The following RNF150 variants were observed in gnomAD, a reference collection of about 807,000 sequenced individuals.
The protein encoded by RNF150 is ring finger protein 150.
Under a neutral mutation model 39.3 loss-of-function variants are expected in RNF150, and 24 were observed. The ratio of observed to expected loss-of-function variants is 0.61; its 90% CI spans 0.44 to 0.86. The LOEUF is 0.86. RNF150 is among the 40% of genes least tolerant of loss of function. The probability of loss-of-function intolerance (pLI) is 0.00; values close to 1 mark genes in which losing one functional copy is unlikely to be tolerated. For missense variants in RNF150, 502 were observed against 587.8 expected (o/e 0.85, Z 1.51); for synonymous variants, 255 against 227.3 (o/e 1.12, Z -1.10).
chr4:141,155,252 A>AT (rs70946798), intron 1 of RNF150, among the ~76,000 whole-genome samples: 10,402 of 126,330 alleles, frequency 0.082, 590 homozygotes, highest in African/African-American at 0.12. Flanking sequence ...CACCCGGCTG[A>AT]TTTTTTTTTT....
chr4:141,126,095 T>TACACTC (rs1726746037), intron 1 of RNF150, among the ~76,000 whole-genome samples: 1 of 150,098 alleles, frequency 6.7e-6, no homozygotes, highest in South Asian at 2.1e-4. Context: ...AATAAATACA[T>TACACTC]ACACACACAC....
intron 1 of RNF150, among the ~76,000 whole-genome samples, chr4:141,095,799 G>A (rs1344225937): frequency 6.6e-6 from 1 of 152,154 alleles, no homozygotes; most frequent in Non-Finnish European, 1.5e-5. Context: ...CTGGGAAGGG[G>A]AGAAAAATAT....
chr4:141,100,784 C>T (rs1211257291), intron 1 of RNF150, among the ~76,000 whole-genome samples: 1 of 152,188 alleles, frequency 6.6e-6, no homozygotes, highest in African/African-American at 2.4e-5. Flanking sequence ...GCCTATCACA[C>T]ATCTAGACTA....
chr4:141,192,236 ATAATCT>A (rs1182752814), intron 1 of RNF150, among the ~76,000 whole-genome samples: 3 of 152,304 alleles, frequency 2.0e-5, no homozygotes, highest in Middle Eastern at 6.8e-3. Context: ...TCCTAAGGTA[ATAATCT>A]TAATATCTTC....
At chr4:141,072,843 T>A (rs1737756834) in intron 1 of RNF150, among the ~76,000 whole-genome samples, 1 of 152,094 alleles carries the variant, frequency 6.6e-6, no homozygotes, top group African/African-American at 2.4e-5. Context: ...CCTCCCAGAA[T>A]CAAAGTCTCA....
intron 4 of RNF150, among the ~76,000 whole-genome samples, 186 bp downstream of exon 4, chr4:140,947,468 T>C (rs1422039193): frequency 6.6e-6 from 1 of 152,162 alleles, no homozygotes; most frequent in African/African-American, 2.4e-5. Context: ...TATTTCATGA[T>C]ACAGTGTTTT....
chr4:141,099,677 AGATG>A (rs1560738322), intron 1 of RNF150, among the ~76,000 whole-genome samples: 1 of 152,146 alleles, frequency 6.6e-6, no homozygotes, highest in East Asian at 1.9e-4. Flanking sequence ...TCAGGGGAGT[AGATG>A]GATAAATGAG....
intron 6 of RNF150, among the ~76,000 whole-genome samples, chr4:140,893,082 G>C (rs1276415701): frequency 1.3e-5 from 2 of 151,850 alleles, no homozygotes; most frequent in East Asian, 3.9e-4. Context: ...GAAAAAAAAA[G>C]GTCTGAGGGT....
chr4:141,150,969 C>A (rs574263900), intron 1 of RNF150, among the ~76,000 whole-genome samples: 2 of 151,884 alleles, frequency 1.3e-5, no homozygotes, highest in Non-Finnish European at 2.9e-5. Flanking sequence ...GCTTTGTCAC[C>A]CAGGGAGGCT....
intron 1 of RNF150, among the ~76,000 whole-genome samples, chr4:141,082,279 T>C (rs1276534398): frequency 6.6e-6 from 1 of 152,236 alleles, no homozygotes; most frequent in African/African-American, 2.4e-5. Flanking sequence ...AGGGATTAAA[T>C]AGTGATTCCT....
intron 5 of RNF150, among the ~76,000 whole-genome samples, chr4:140,919,689 T>G (rs1007368139): frequency 6.6e-6 from 1 of 151,194 alleles, no homozygotes; most frequent in Admixed American, 6.6e-5. Context: ...AAAACTACCT[T>G]AAAGTTCATA....
rs76302996 is a variant in RNF150, at chr4:141,129,674, C to T, written c.484+2651G>A. 7.4e-3 allele frequency among the ~76,000 whole-genome samples: 1,129 copies of T among 152,308 alleles called. 13 individuals carry two copies. Among genetic ancestry groups the T allele is most frequent in the African/African-American group, 0.025 (1,034 of 41,562 alleles). The stretch of plus-strand genomic sequence containing the variant: ...AGTGACTTGTTATAAAGCAAAACTA[C>T]TGGTCTATCCCAGGAGAAGTGGTGT... On this transcript the variant is annotated intron_variant, in intron 1 of 6. Coordinates refer to ENST00000515673, the MANE Select transcript of RNF150 (RefSeq NM_020724.2).
rs561940968 is a variant in RNF150, at chr4:141,041,344, T to C, written c.485-73471A>G. On this transcript the variant is annotated intron_variant, in intron 1 of 6. Transcript: ENST00000515673. ...CACAGAGCTCTGAGGTCATAAAGGG[T>C]AGAATGACCAACTGGGGGTCAGAAG... 2.6e-5 allele frequency among the ~76,000 whole-genome samples: 4 copies of C among 151,870 alleles called. No homozygotes were observed. The East Asian group carries it at 7.8e-4, about 29-fold the overall frequency.
intron 1 of RNF150, among the ~76,000 whole-genome samples, chr4:141,085,153 A>G (rs1476788156): frequency 1.3e-5 from 2 of 152,214 alleles, no homozygotes; most frequent in Non-Finnish European, 2.9e-5. Flanking sequence ...AAGGTGAAGG[A>G]GGAGCAAAGG....
chr4:141,162,509 T>C (rs1727532712), intron 1 of RNF150, among the ~76,000 whole-genome samples: 2 of 152,072 alleles, frequency 1.3e-5, no homozygotes. Flanking sequence ...GTGGGGGACC[T>C]CTGGCAAGAT....
In RNF150 at chr4:141,008,481, CTTTG is replaced by C. The variant is rs1734950748; in HGVS notation, c.485-40612_485-40609del. Among the ~76,000 whole-genome samples the C allele has an allele frequency of 2.6e-5, 4 of 152,176 alleles. No homozygotes were observed. In the South Asian group the frequency reaches 8.3e-4, roughly 32 times the overall value. The stretch of plus-strand genomic sequence containing the variant: ...GTTTTTTACTTCCTATTTAGGAAAT[CTTTG>C]TTTATCCTAAGGTTACAAAATATAC... On this transcript the variant is annotated intron_variant, in intron 1 of 6. Coordinates refer to ENST00000515673, the MANE Select transcript of RNF150 (RefSeq NM_020724.2).
At chr4:141,165,498 T>A (rs1727584857) in intron 1 of RNF150, among the ~76,000 whole-genome samples, 1 of 152,150 alleles carries the variant, frequency 6.6e-6, no homozygotes, top group Admixed American at 6.5e-5. Flanking sequence ...AATATACATT[T>A]TTCTTAGCAC....
intron 1 of RNF150, among the ~76,000 whole-genome samples, chr4:141,083,578 G>A (rs1027687139): frequency 3.9e-5 from 6 of 152,130 alleles, no homozygotes; most frequent in African/African-American, 7.2e-5. Flanking sequence ...AAAGACGTGA[G>A]TGTGAAGGGC....
chr4:141,039,596 C>T (rs114114050), intron 1 of RNF150, among the ~76,000 whole-genome samples: 1,540 of 152,168 alleles, frequency 0.01, 15 homozygotes, highest in Middle Eastern at 0.02. Flanking sequence ...AAAATCTGCA[C>T]GTGCACACAT....
Sources: gnomAD v4.1 joint callset for allele counts (sites outside exome capture counted in the v4.1 genomes callset) on GRCh38, gnomAD v4.1.1 for gene constraint, MANE v1.5 for transcripts, NCBI Gene and HGNC (gene_info 2026-07-23, HGNC 2026-07-21) for gene names.